DOP1B: variants seen among roughly 807,000 people sequenced by gnomAD.
DOP1B encodes protein DOP1B.
A neutral mutation model predicts 233.5 loss-of-function variants in DOP1B; 174 were observed. The observed-to-expected ratio is 0.75, with a 90% confidence interval of 0.66 to 0.85. DOP1B has a LOEUF of 0.85. Among genes scored for constraint, DOP1B ranks in the 40% least tolerant of loss-of-function variants. The pLI is 0.00. For missense variants in DOP1B, 2,652 were observed against 2,846.6 expected, an observed-to-expected ratio of 0.93 and a Z score of 1.56; for synonymous variants, 1,190 against 1,185.6, an observed-to-expected ratio of 1.00 and a Z score of -0.08.
At chr21:36,177,107 C>T (rs965892385) in intron 2 of DOP1B, among the ~76,000 whole-genome samples, 18 of 152,206 alleles carry the variant, frequency 1.2e-4, no homozygotes, top group African/African-American at 4.3e-4. Flanking sequence ...GCCACCGTGC[C>T]CAGTCCTAAC....
intron 1 of DOP1B, among the ~76,000 whole-genome samples, chr21:36,157,889 T>G (rs1470358613): frequency 3.9e-5 from 6 of 152,210 alleles, no homozygotes; most frequent in African/African-American, 1.4e-4. Flanking sequence ...CATATAGACA[T>G]ATTTACAGTG....
At position 36,227,885 on chromosome 21, in the gene DOP1B, C is replaced by T. The variant is rs1389494198; in HGVS notation, c.1665+8C>T. 5 of 1,572,268 alleles carry T rather than the reference C, an allele frequency of 3.2e-6. No homozygotes were observed. The highest frequency in any genetic ancestry group is 2.7e-5 in the African/African-American group (2 of 73,906). On this transcript the variant is annotated splice_region_variant and intron_variant, in intron 13 of 36. Transcript: ENST00000691173. Reference sequence around the variant, plus strand: ...TCCACCAGCGGAACCTCGGTGTGTACTCTGAGGGGCAGAAATGGTTCTGGG... The same window carrying T: ...TCCACCAGCGGAACCTCGGTGTGTATTCTGAGGGGCAGAAATGGTTCTGGG...
intron 24 of DOP1B, among the ~76,000 whole-genome samples, chr21:36,262,612 G>T (rs1485238917): frequency 6.6e-6 from 1 of 152,168 alleles, no homozygotes; most frequent in African/African-American, 2.4e-5. Flanking sequence ...GATCAGCCGG[G>T]CACGGTGGCT....
rs2066505006 is a variant in DOP1B, at chr21:36,212,061, A to G, written c.868A>G (p.Met290Val). ...CACCCAGACCCTACTGAGAAGGGACATGTCCCTGAACAGAAGACTGTATGC... is the reference window on the plus strand; with the variant it reads ...CACCCAGACCCTACTGAGAAGGGACGTGTCCCTGAACAGAAGACTGTATGC... ...AATQTLLRRDMSLNRRLYAWL... is the reference protein window; with the variant it reads ...AATQTLLRRDVSLNRRLYAWL... Residue 290 changes from methionine (M) to valine (V), a missense_variant, in exon 7 of 37, where the codon ATG (methionine) becomes GTG (valine). Transcript: ENST00000691173. 1.2e-6 allele frequency: 2 copies of G among 1,613,860 alleles called. No homozygotes were observed. Among genetic ancestry groups the G allele is most frequent in the South Asian group, 1.1e-5 (1 of 90,984 alleles).
At chr21:36,267,130 G>T (rs758130311) in intron 26 of DOP1B, among the ~76,000 whole-genome samples, 20 of 152,202 alleles carry the variant, frequency 1.3e-4, no homozygotes, top group Non-Finnish European at 2.6e-4. Flanking sequence ...ATAGCCACTC[G>T]TAGCTGGTGA....
intron 1 of DOP1B, among the ~76,000 whole-genome samples, chr21:36,158,824 GAAAA>G (rs369323953): frequency 7.3e-6 from 1 of 137,764 alleles, no homozygotes; most frequent in Non-Finnish European, 1.6e-5. Context: ...AAAAAGAAAA[GAAAA>G]AAGAAATGCA....
rs1349785070 is a variant in DOP1B at position 36,237,387 on chromosome 21, C to T, written c.2748C>T (p.Ile916=). ...CGGCCAACATCTGCGAGGACATCAT[C>T]TGCCATGCCCTCCTGGACCCTGACA... ...APTANICEDI[I]CHALLDPDKG... The change falls in exon 16 of 37, where the codon ATC becomes ATT. Residue 916 remains isoleucine, a synonymous_variant. Coordinates refer to ENST00000691173, the MANE Select transcript of DOP1B (RefSeq NM_001320714.2). The T allele has an allele frequency of 6.2e-7, 1 of 1,614,192 alleles. No individual in the cohort carries two copies. The highest frequency in any genetic ancestry group is 2.2e-5 in the East Asian group (1 of 44,886).
At chr21:36,239,660 C>T (rs1215809385) in intron 17 of DOP1B, 105 bp from the exon 18 acceptor site, 23 of 1,314,864 alleles carry the variant, frequency 1.7e-5, no homozygotes, top group African/African-American at 1.0e-4. Context: ...GGGTGGAGGT[C>T]CTAGGGTACC....
chr21:36,282,714 G>A (rs759864243), intron 32 of DOP1B, among the ~76,000 whole-genome samples: 5 of 151,976 alleles, frequency 3.3e-5, no homozygotes, highest in East Asian at 1.9e-4. Context: ...GGTGGCTCAC[G>A]CCTGTAATCC....
chr21:36,209,342 G>A (rs1189505725), intron 5 of DOP1B, among the ~76,000 whole-genome samples: 2 of 152,166 alleles, frequency 1.3e-5, no homozygotes, highest in Non-Finnish European at 1.5e-5. Context: ...GGATGGTCTC[G>A]AACTGCCTGC....
At chr21:36,183,367 A>G (rs2066123857) in intron 2 of DOP1B, among the ~76,000 whole-genome samples, 1 of 152,160 alleles carries the variant, frequency 6.6e-6, no homozygotes, top group South Asian at 2.1e-4. Flanking sequence ...TTGTGAGGCA[A>G]TACATTGCTT....
intron 1 of DOP1B, among the ~76,000 whole-genome samples, chr21:36,157,407 G>A (rs1456653060): frequency 6.6e-6 from 1 of 152,166 alleles, no homozygotes; most frequent in Non-Finnish European, 1.5e-5. Context: ...GGCTTTCCTC[G>A]TTGGGGAAGA....
intron 27 of DOP1B, among the ~76,000 whole-genome samples, chr21:36,274,799 G>T (rs773908868): frequency 2.6e-5 from 4 of 151,890 alleles, no homozygotes; most frequent in Non-Finnish European, 4.4e-5. Flanking sequence ...TGTCCATAGG[G>T]CAGTAGCCAA....
At chr21:36,213,557 G>A (rs745845358) in intron 7 of DOP1B, among the ~76,000 whole-genome samples, 1 of 151,612 alleles carries the variant, frequency 6.6e-6, no homozygotes, top group Non-Finnish European at 1.5e-5. Flanking sequence ...TTGGGAGGCC[G>A]AGGCAGGTGG....
At chr21:36,203,644 T>TGG (rs3216566) in intron 4 of DOP1B, among the ~76,000 whole-genome samples, 27,265 of 150,734 alleles carry the variant, frequency 0.18, 2,631 homozygotes, top group African/African-American at 0.25. Flanking sequence ...GAGGGTGCAG[T>TGG]GGGGGGGGTC....
rs920795144 is a variant in DOP1B, at chr21:36,285,073, G to A, written c.6161-2941G>A. On this transcript the variant is annotated intron_variant, in intron 32 of 36. Coordinates refer to ENST00000691173, the MANE Select transcript of DOP1B (RefSeq NM_001320714.2). ...AAGAGAAATTTTTTTGTTGTTGTTGGGAGGGGAACGGAGTCTCACTCTGTT... is the reference window on the plus strand; with the variant it reads ...AAGAGAAATTTTTTTGTTGTTGTTGAGAGGGGAACGGAGTCTCACTCTGTT... Among the ~76,000 whole-genome samples the A allele has an allele frequency of 7.9e-5, 12 of 151,898 alleles. 1 individual carries two copies. The highest frequency in any genetic ancestry group is 7.9e-4 in the Admixed American group (12 of 15,196).
chr21:36,201,883 C>T (rs1601407037), intron 4 of DOP1B, among the ~76,000 whole-genome samples: 1 of 151,966 alleles, frequency 6.6e-6, no homozygotes, highest in African/African-American at 2.4e-5. Flanking sequence ...AAGTGTGAAT[C>T]TGTTCCGACT....
intron 5 of DOP1B, among the ~76,000 whole-genome samples, chr21:36,210,727 G>A (rs944370875): frequency 3.9e-5 from 6 of 152,108 alleles, no homozygotes; most frequent in Non-Finnish European, 8.8e-5. Context: ...CACGAGAATC[G>A]CTTGAACGCC....
At chr21:36,257,534 A>G (rs1242961340) in intron 23 of DOP1B, among the ~76,000 whole-genome samples, 1 of 152,220 alleles carries the variant, frequency 6.6e-6, no homozygotes, top group Admixed American at 6.5e-5. Context: ...AAAGGAGGGC[A>G]GGAGTTATGA....
Sources: allele counts gnomAD v4.1 joint callset (sites outside exome capture counted in the v4.1 genomes callset), GRCh38; gene constraint gnomAD v4.1.1; transcripts MANE v1.5; gene names NCBI Gene and HGNC (gene_info 2026-07-23, HGNC 2026-07-21).